PPP1R10: variants seen among roughly 807,000 people sequenced by gnomAD.
The protein encoded by PPP1R10 is serine/threonine-protein phosphatase 1 regulatory subunit 10.
A neutral mutation model predicts 99.0 loss-of-function variants in PPP1R10; 15 were observed. The ratio of observed to expected loss-of-function variants is 0.15; its 90% CI spans 0.10 to 0.23. PPP1R10 has a LOEUF of 0.23. Among genes scored for constraint, PPP1R10 ranks in the 10% least tolerant of loss-of-function variants. The pLI is 1.00. For missense variants in PPP1R10, 947 were observed against 1,259.4 expected (o/e 0.75, Z 3.75); for synonymous variants, 430 against 449.5 (o/e 0.96, Z 0.55).
rs764722292 is a variant in PPP1R10 at position 30,602,586 on chromosome 6, C to T, written c.2063G>A (p.Arg688Gln). ...TGGACCCCCCCGCATTGGGCCACCC[C>T]GCATAGGGTCGCCCGGGCCATCCCA... is the stretch of plus-strand genomic sequence containing the variant. ...PFWDGPGDPMRGGPMRGGPGP... is the reference protein window; with the variant it reads ...PFWDGPGDPMQGGPMRGGPGP... Residue 688 changes from arginine (R) to glutamine (Q), a missense_variant, in exon 19 of 20, where the codon CGG becomes CAG. By Grantham distance (43) the Arg-to-Gln change is conservative. Transcript: ENST00000376511. This position sits in a 1 kb window ranked among gnomAD's most constrained non-coding sequence, Gnocchi z 6.7. 8.9e-6 allele frequency: 14 copies of T among 1,570,062 alleles called. No homozygotes were observed. Among genetic ancestry groups the T allele is most frequent in the Admixed American group, 3.9e-5 (2 of 51,758 alleles).
Position 30,601,117 on chromosome 6 carries a change from T to G in PPP1R10, c.*432A>C, listed in dbSNP as rs1803268934. ...CCCCACCCCATGAGGAATAATGAACTTAGCTGGGATGATTTCTTAAGTGCA... is the reference window on the plus strand; with the variant it reads ...CCCCACCCCATGAGGAATAATGAACGTAGCTGGGATGATTTCTTAAGTGCA... On this transcript the variant is annotated 3_prime_UTR_variant, in exon 20 of 20. Transcript: ENST00000376511. 1 of 177,960 alleles carries G rather than the reference T, an allele frequency of 5.6e-6. No homozygotes were observed. Among genetic ancestry groups the G allele is most frequent in the Non-Finnish European group, 1.2e-5 (1 of 83,010 alleles). The allele number at this position is 177,960 out of a possible 1,614,324, so 11.0% of individuals were successfully genotyped here. A position where few individuals can be genotyped will look rare whatever the true frequency, so the allele number is the denominator to read the frequency against.
rs979906616 is a variant in PPP1R10, at chr6:30,601,993, G to C, written c.2656C>G (p.Pro886Ala). ...PPHEHRGHDG[P>A]GHGGGGHRGH... ...CGGTGGCCCCCTCCCCCGTGGCCAG[G>C]ACCATCATGGCCACGGTGCTCATGA... Residue 886 changes from proline to alanine, a missense_variant, in exon 19 of 20, where the codon CCT (proline) becomes GCT (alanine). This residue lies in a region of PPP1R10 where 525 missense variants were observed against 578.8 expected (regional missense o/e 0.91). Coordinates refer to ENST00000376511, the MANE Select transcript of PPP1R10 (RefSeq NM_002714.4). The C allele has an allele frequency of 6.6e-7, 1 of 1,517,398 alleles. No homozygotes were observed. Among genetic ancestry groups the C allele is most frequent in the Non-Finnish European group, 8.8e-7 (1 of 1,133,338 alleles). 94.0% of individuals were successfully genotyped at this position (1,517,398 alleles called of 1,614,324 possible).
rs760634630 is a variant in PPP1R10 at position 30,608,930 on chromosome 6, A to C, written c.195-16T>G. 1 of 1,613,974 alleles carries C rather than the reference A, an allele frequency of 6.2e-7. No individual in the cohort carries two copies. The highest frequency in any genetic ancestry group is 1.3e-5 in the African/African-American group (1 of 74,906). On this transcript the variant is annotated splice_polypyrimidine_tract_variant and intron_variant, in intron 4 of 19. Transcript: ENST00000376511. The stretch of plus-strand genomic sequence containing the variant: ...GTCAATAAATCTGCAGGCAGGCAGG[A>C]GAGTCTATCAGTAATGCCCTTTCTA...
At chr6:30,611,466 A>G (rs1804548833) in intron 2 of PPP1R10, among the ~76,000 whole-genome samples, 1 of 152,242 alleles carries the variant, frequency 6.6e-6, no homozygotes, top group South Asian at 2.1e-4. Context: ...ATCCCAGCAG[A>G]AGGGTAGAAA....
chr6:30,601,839 G>A (rs942853948), intron 19 of PPP1R10, 97 bp downstream of exon 19: 13 of 1,412,332 alleles, frequency 9.2e-6, no homozygotes, highest in African/African-American at 2.9e-5. Context: ...GGTACCTCAC[G>A]TTCTGCCTAG....
chr6:30,603,080 C>A, intron 17 of PPP1R10, 121 bp from the exon 18 acceptor site: 1 of 1,395,124 alleles, frequency 7.2e-7, no homozygotes, highest in Non-Finnish European at 1.0e-6. Context: ...TCTCTCTGTC[C>A]AGTCTTCCCC....
In PPP1R10 at chr6:30,601,558, G is replaced by A. The variant is rs1321679477; in HGVS notation, c.2814C>T (p.Pro938=). ...GGCAGGCAAATGGTCCCTAGGGCAG[G>A]GGGGGCCCATTGACACCCGGGTGGT... ...AFYHPGVNGP[P]LP is the part of the protein sequence containing the mutation. The change falls in exon 20 of 20, where the codon CCC becomes CCT. Residue 938 remains proline, a synonymous_variant. Coordinates refer to ENST00000376511, the MANE Select transcript of PPP1R10 (RefSeq NM_002714.4). The A allele has an allele frequency of 2.5e-6, 4 of 1,613,864 alleles. No homozygotes were observed. Among genetic ancestry groups the A allele is most frequent in the Non-Finnish European group, 3.4e-6 (4 of 1,179,802 alleles).
chr6:30,610,026 C>T, intron 2 of PPP1R10, 71 bp from the exon 3 acceptor site: 1 of 907,696 alleles, frequency 1.1e-6, no homozygotes. Context: ...AGTAGGCCCT[C>T]TAATAAACCA....
Position 30,607,996 on chromosome 6 carries a change from TTTTA to T in PPP1R10, c.331-109_331-106del, listed in dbSNP as rs1215277348. On this transcript the variant is annotated intron_variant, in intron 5 of 19. Coordinates refer to ENST00000376511, the MANE Select transcript of PPP1R10 (RefSeq NM_002714.4). ...CAGTCCTCCCTGCTTTTTTTTTTTTTTTTATTTTTTGAGACGGAGTCTCACTCTG... is the reference window on the plus strand; with the variant it reads ...CAGTCCTCCCTGCTTTTTTTTTTTTTTTTTTTGAGACGGAGTCTCACTCTG... The T allele has an allele frequency of 2.3e-3, 2,838 of 1,217,222 alleles. 8 individuals carry two copies. The highest frequency in any genetic ancestry group is 0.016 in the African/African-American group (979 of 62,064). The allele number at this position is 1,217,222 out of a possible 1,614,324, so 75.4% of individuals were successfully genotyped here. A position where few individuals can be genotyped will look rare whatever the true frequency, so the allele number is the denominator to read the frequency against.
rs1430140773 is a variant in PPP1R10 at position 30,602,053 on chromosome 6, C to T, written c.2596G>A (p.Gly866Ser). The change falls in exon 19 of 20, where the codon GGT (glycine) becomes AGT (serine). Residue 866 changes from glycine (G) to serine (S), a missense_variant. This residue lies in a region of PPP1R10 where 525 missense variants were observed against 578.8 expected (regional missense o/e 0.91). Transcript: ENST00000376511. The surrounding 1 kb of genome is among the most constrained non-coding windows in gnomAD (Gnocchi z 6.7). ...CCTCGATGGTCATGGCCTCGGTGAC[C>T]AGGGACATCATGAGGCCGGTGGCCA... ...PHGHRPHDVP[G>S]HRGHDHRGPP... 3 of 1,561,252 alleles carry T rather than the reference C, an allele frequency of 1.9e-6. No individual in the cohort carries two copies. Among genetic ancestry groups the T allele is most frequent in the South Asian group, 2.4e-5 (2 of 83,134 alleles).
intron 2 of PPP1R10, chr6:30,614,587 G>C (rs1760256261): frequency 6.6e-6 from 1 of 152,298 alleles, no homozygotes; most frequent in East Asian, 1.9e-4. Flanking sequence ...ACCAAATGCA[G>C]GAGGCCCACT....
chr6:30,601,471 T>C lies in PPP1R10; in HGVS notation c.*78A>G. ...AGCTGGGGAAAAGGGAAAATGGGCC[T>C]CACAGAAGCCATAACAGGGTGGAAA... On this transcript the variant is annotated 3_prime_UTR_variant, in exon 20 of 20. Transcript: ENST00000376511. The C allele has an allele frequency of 7.8e-7, 1 of 1,274,976 alleles. No individual in the cohort carries two copies. The highest frequency in any genetic ancestry group is 1.1e-6 in the Non-Finnish European group (1 of 892,968). The allele number at this position is 1,274,976 out of a possible 1,614,324, so 79.0% of individuals were successfully genotyped here. A position where few individuals can be genotyped will look rare whatever the true frequency, so the allele number is the denominator to read the frequency against.
At position 30,604,494 on chromosome 6, in the gene PPP1R10, C is replaced by G; in HGVS notation, c.1120G>C (p.Ala374Pro). The change falls in exon 13 of 20, where the codon GCT (alanine) becomes CCT (proline). Residue 374 changes from alanine to proline, a missense_variant. Ala to Pro is a conservative substitution (Grantham distance 27). Around this residue, in one of 10 missense-constraint regions of PPP1R10, gnomAD observed 100 missense variants for 105.8 expected, o/e 0.94. Transcript: ENST00000376511. This position sits in a 1 kb window ranked among gnomAD's most constrained non-coding sequence, Gnocchi z 7.3. ...LMDTASLEPG[A>P]LDAKPVESPG... ...CTCTCCACTGGCTTGGCATCCAGAG[C>G]TCCTGGCTCCAAAGAGGCTGGAAGC... 1 of 1,613,102 alleles carries G rather than the reference C, an allele frequency of 6.2e-7. No homozygotes were observed. Among genetic ancestry groups the G allele is most frequent in the East Asian group, 2.2e-5 (1 of 44,878 alleles).
At chr6:30,607,985 T>A in intron 5 of PPP1R10, 94 bp from the exon 6 acceptor site, 1 of 665,992 alleles carries the variant, frequency 1.5e-6, no homozygotes, top group Non-Finnish European at 2.2e-6. Context: ...CCTCCCTGCT[T>A]TTTTTTTTTT....
chr6:30,601,237 T>G lies in PPP1R10; in HGVS notation c.*312A>C. The G allele has an allele frequency of 2.7e-6, 1 of 367,672 alleles. No homozygotes were observed. The allele number at this position is 367,672 out of a possible 1,614,324, so 22.8% of individuals were successfully genotyped here. On this transcript the variant is annotated 3_prime_UTR_variant, in exon 20 of 20. Coordinates refer to ENST00000376511, the MANE Select transcript of PPP1R10 (RefSeq NM_002714.4). ...ATAACCAGCTTTAGGTTCTCAAGCATTAAGGGTAATACTGGAAAGGGGTTT... is the reference window on the plus strand; with the variant it reads ...ATAACCAGCTTTAGGTTCTCAAGCAGTAAGGGTAATACTGGAAAGGGGTTT...
chr6:30,614,918 T>TA (rs1760296241), intron 2 of PPP1R10, among the ~76,000 whole-genome samples: 1 of 152,214 alleles, frequency 6.6e-6, no homozygotes, highest in Non-Finnish European at 1.5e-5. Context: ...TTAAGATATT[T>TA]TATATAATGA....
Position 30,601,227 on chromosome 6 carries a change from T to C in PPP1R10, c.*322A>G. ...GTTCGCCAGGATAACCAGCTTTAGGTTCTCAAGCATTAAGGGTAATACTGG... is the reference window on the plus strand; with the variant it reads ...GTTCGCCAGGATAACCAGCTTTAGGCTCTCAAGCATTAAGGGTAATACTGG... On this transcript the variant is annotated 3_prime_UTR_variant, in exon 20 of 20. Transcript: ENST00000376511. 3.0e-6 allele frequency: 1 copy of C among 334,540 alleles called. No homozygotes were observed. Among genetic ancestry groups the C allele is most frequent in the Non-Finnish European group, 5.5e-6 (1 of 182,288 alleles). 20.7% of individuals were successfully genotyped at this position (334,540 alleles called of 1,614,324 possible).
chr6:30,615,861 G>C (rs1760452677), intron 2 of PPP1R10, among the ~76,000 whole-genome samples: 1 of 152,132 alleles, frequency 6.6e-6, no homozygotes, highest in Middle Eastern at 3.4e-3. Context: ...TTTATTCCTA[G>C]ATTGCCACCT....
rs1803917449 is a variant in PPP1R10 at position 30,606,103 on chromosome 6, C to T, written c.740+35G>A. 1.2e-6 allele frequency: 2 copies of T among 1,613,082 alleles called. No individual in the cohort carries two copies. The highest frequency in any genetic ancestry group is 2.7e-5 in the African/African-American group (2 of 74,972). On this transcript the variant is annotated intron_variant, in intron 9 of 19. Transcript: ENST00000376511. The surrounding 1 kb of genome is among the most constrained non-coding windows in gnomAD (Gnocchi z 6.3). ...CTCCTGCTCCCTTGTGTCCACAGAT[C>T]CACCCCATTCAGAGCCTGAGAATAT...
Sources: gnomAD v4.1 joint callset for allele counts (sites outside exome capture counted in the v4.1 genomes callset) on GRCh38, gnomAD v4.1.1 for gene constraint, gnomAD v4.1.1 regional missense constraint, Gnocchi (gnomAD v3.1) non-coding constraint, MANE v1.5 for transcripts, NCBI Gene and HGNC (gene_info 2026-07-23, HGNC 2026-07-21) for gene names.